Variants in GDPD1 observed in about 807,000 individuals in gnomAD.
GDPD1 encodes glycerophosphodiester phosphodiesterase domain containing 1.
GDPD1 carries 28 observed loss-of-function variants against 45.1 expected under a neutral mutation model. The ratio of observed to expected loss-of-function variants is 0.62; its 90% CI spans 0.46 to 0.85. GDPD1 has a LOEUF of 0.85. GDPD1 is among the 40% of genes least tolerant of loss of function. The pLI is 0.00. For missense variants in GDPD1, 256 were observed against 364.8 expected, an observed-to-expected ratio of 0.70 and a Z score of 2.43; for synonymous variants, 139 against 131.4, an observed-to-expected ratio of 1.06 and a Z score of -0.40.
chr17:59,269,268 G>T (rs1274499554), intron 7 of GDPD1, among the ~76,000 whole-genome samples: 1 of 151,238 alleles, frequency 6.6e-6, no homozygotes, highest in Non-Finnish European at 1.5e-5. Context: ...CTCTAGCCTG[G>T]GCGACAGAGC....
chr17:59,238,284 A>AG (rs1258531112), intron 2 of GDPD1, among the ~76,000 whole-genome samples: 1 of 151,710 alleles, frequency 6.6e-6, no homozygotes, highest in African/African-American at 2.4e-5. Flanking sequence ...AAAAAAAAAA[A>AG]AAGAAGTAAT....
Position 59,230,370 on chromosome 17 carries a change from A to ATTTTTTTTTT in GDPD1, c.143-4101_143-4092dup, listed in dbSNP as rs942416287. Among the ~76,000 whole-genome samples the ATTTTTTTTTT allele has an allele frequency of 7.5e-5, 6 of 80,072 alleles. 2 individuals are homozygous for ATTTTTTTTTT. The highest frequency in any genetic ancestry group is 4.1e-4 in the African/African-American group (6 of 14,812). The allele number at this position is 80,072 out of a possible 152,430, so 52.5% of individuals were successfully genotyped here. ...GAATATTGAACAGGCCAGTTGTAGAATTTTTTTTTTTTTTTTTTTTTTTTT... is the reference window on the plus strand; with the variant it reads ...GAATATTGAACAGGCCAGTTGTAGAATTTTTTTTTTTTTTTTTTTTTTTTTTTTTTTTTTT... On this transcript the variant is annotated intron_variant, in intron 1 of 9. Transcript: ENST00000284116.
At chr17:59,240,278 G>A (rs1346797194) in intron 2 of GDPD1, among the ~76,000 whole-genome samples, 1 of 150,876 alleles carries the variant, frequency 6.6e-6, no homozygotes, top group African/African-American at 2.4e-5. Flanking sequence ...GTGACAGAGT[G>A]AGACTCTGTC....
intron 7 of GDPD1, among the ~76,000 whole-genome samples, chr17:59,267,654 G>A (rs1052139639): frequency 6.6e-6 from 1 of 150,990 alleles, no homozygotes; most frequent in Admixed American, 6.6e-5. Flanking sequence ...ATAGGATACT[G>A]TTTTTATAGT....
chr17:59,248,574 A>G (rs761602368), intron 3 of GDPD1, among the ~76,000 whole-genome samples, 166 bp from the exon 4 acceptor site: 15 of 152,102 alleles, frequency 9.9e-5, no homozygotes, highest in Non-Finnish European at 2.2e-4. Flanking sequence ...GGCATAAGTA[A>G]GTAATATGGT....
intron 9 of GDPD1, chr17:59,273,044 A>G: frequency 1.0e-6 from 1 of 971,290 alleles, no homozygotes. Context: ...TTATGTACAG[A>G]ATAGCTGATG....
At chr17:59,230,239 G>C (rs2047078345) in intron 1 of GDPD1, among the ~76,000 whole-genome samples, 1 of 151,890 alleles carries the variant, frequency 6.6e-6, no homozygotes, top group Non-Finnish European at 1.5e-5. Context: ...ATCAGAAGTA[G>C]TATATATAAA....
chr17:59,246,347 G>A (rs773297004), intron 3 of GDPD1, among the ~76,000 whole-genome samples: 27 of 150,584 alleles, frequency 1.8e-4, no homozygotes, highest in South Asian at 4.2e-4. Flanking sequence ...GGCCGGCCTC[G>A]GTGGCTCACA....
At chr17:59,238,268 CAA>C (rs373144110) in intron 2 of GDPD1, among the ~76,000 whole-genome samples, 2 of 80,162 alleles carry the variant, frequency 2.5e-5, no homozygotes. Context: ...AACTCCATCT[CAA>C]AAAAAAAAAA....
chr17:59,263,285 T>C (rs1457159666), intron 6 of GDPD1, among the ~76,000 whole-genome samples: 3 of 151,952 alleles, frequency 2.0e-5, no homozygotes, highest in African/African-American at 7.3e-5. Context: ...TCTTGTCTCA[T>C]TCTCCCAAAG....
chr17:59,272,888 C>T (rs1189239756), intron 9 of GDPD1, 52 bp downstream of exon 9: 3 of 1,612,978 alleles, frequency 1.9e-6, no homozygotes, highest in East Asian at 2.2e-5. Context: ...ACCAGTTTAA[C>T]ACAAATATAA....
chr17:59,266,996 T>A, intron 6 of GDPD1, 45 bp from the exon 7 acceptor site: 1 of 1,478,088 alleles, frequency 6.8e-7, no homozygotes, highest in Non-Finnish European at 9.4e-7. Flanking sequence ...CCTCTTTATT[T>A]GAGCAGTTGT....
At chr17:59,239,762 G>T in intron 2 of GDPD1, among the ~76,000 whole-genome samples, 1 of 142,800 alleles carries the variant, frequency 7.0e-6, no homozygotes. Flanking sequence ...AATATGTATA[G>T]TTTTTTTTTT....
At chr17:59,266,457 A>G (rs1186722103) in intron 6 of GDPD1, among the ~76,000 whole-genome samples, 1 of 151,878 alleles carries the variant, frequency 6.6e-6, no homozygotes, top group East Asian at 1.9e-4. Flanking sequence ...TTATATATAT[A>G]TGTATGTCTA....
intron 1 of GDPD1, among the ~76,000 whole-genome samples, chr17:59,234,016 C>T (rs2047112007): frequency 6.6e-6 from 1 of 152,024 alleles, no homozygotes; most frequent in Non-Finnish European, 1.5e-5. Context: ...CTAAAGAAGT[C>T]AGAAATCCAA....
chr17:59,241,689 G>A (rs2047176708), intron 2 of GDPD1, among the ~76,000 whole-genome samples: 2 of 151,784 alleles, frequency 1.3e-5, no homozygotes, highest in Admixed American at 1.3e-4. Flanking sequence ...AGCACTTTGG[G>A]AGGCCGAGGC....
intron 6 of GDPD1, among the ~76,000 whole-genome samples, chr17:59,258,676 CA>C (rs2047328750): frequency 6.6e-6 from 1 of 152,134 alleles, no homozygotes; most frequent in Non-Finnish European, 1.5e-5. Context: ...AAGGTCAATG[CA>C]GTTGAACTGG....
chr17:59,263,539 C>T (rs192054205), intron 6 of GDPD1, among the ~76,000 whole-genome samples: 28 of 121,262 alleles, frequency 2.3e-4, no homozygotes, highest in African/African-American at 8.8e-4. Context: ...AGTGCAATGG[C>T]GCAATCTCGG....
intron 1 of GDPD1, among the ~76,000 whole-genome samples, chr17:59,231,311 A>G (rs1597964112): frequency 7.1e-6 from 1 of 140,834 alleles, no homozygotes; most frequent in South Asian, 2.2e-4. Flanking sequence ...ATATGAAAAC[A>G]TTTTCTTTCT....
Sources: allele counts gnomAD v4.1 joint callset (sites outside exome capture counted in the v4.1 genomes callset), GRCh38; gene constraint gnomAD v4.1.1; transcripts MANE v1.5; gene names NCBI Gene and HGNC (gene_info 2026-07-23, HGNC 2026-07-21).